The following MTUS2 variants were observed in gnomAD, a reference collection of about 807,000 sequenced individuals.
MTUS2 encodes the protein microtubule associated scaffold protein 2.
A neutral mutation model predicts 114.1 loss-of-function variants in MTUS2; 40 were observed. The ratio of observed to expected loss-of-function variants is 0.35; its 90% CI spans 0.27 to 0.46. MTUS2 has a LOEUF of 0.46. Ranked by LOEUF, MTUS2 falls within the 20% of genes least tolerant of loss-of-function variation. MTUS2 has a pLI of 1.00. For synonymous variants in MTUS2, 688 were observed against 672.0 expected, an observed-to-expected ratio of 1.02 and a Z score of -0.37; for missense variants, 1,679 against 1,705.4, an observed-to-expected ratio of 0.98 and a Z score of 0.27.
chr13:29,379,724 C>G (rs1166204954), intron 8 of MTUS2, among the ~76,000 whole-genome samples: 1 of 152,128 alleles, frequency 6.6e-6, no homozygotes, highest in African/African-American at 2.4e-5. Context: ...CAGGAGAGAG[C>G]TTTCAAACTG....
intron 8 of MTUS2, among the ~76,000 whole-genome samples, chr13:29,402,501 A>C (rs1187203573): frequency 2.7e-5 from 4 of 148,628 alleles, no homozygotes; most frequent in African/African-American, 9.8e-5. Flanking sequence ...GGCAGCAGCC[A>C]CAGAAAAACA....
intron 8 of MTUS2, among the ~76,000 whole-genome samples, chr13:29,381,382 C>T (rs1397698030): frequency 6.6e-6 from 1 of 152,164 alleles, no homozygotes. Flanking sequence ...AGCGTAGTTA[C>T]AGTATAGAAA....
At chr13:28,911,861 T>TG (rs1247409442) in intron 2 of MTUS2, among the ~76,000 whole-genome samples, 1 of 151,294 alleles carries the variant, frequency 6.6e-6, no homozygotes, top group African/African-American at 2.4e-5. Flanking sequence ...TTTTTTTTTT[T>TG]TTGTAAATTT....
rs1873219737 is a variant in MTUS2 at position 29,389,878 on chromosome 13, CATACAT to C, written c.3117+30408_3117+30413del. On this transcript the variant is annotated intron_variant, in intron 8 of 15. Coordinates refer to ENST00000612955, the MANE Select transcript of MTUS2 (RefSeq NM_001033602.4). Reference sequence around the variant, plus strand: ...ATATACATACATATGTGTATATATACATACATATGTGTATATATACATACATATGTG... The same window carrying C: ...ATATACATACATATGTGTATATATACATGTGTATATATACATACATATGTG... Among the ~76,000 whole-genome samples the C allele has an allele frequency of 2.4e-5, 2 of 84,972 alleles. 1 individual carries two copies. Among genetic ancestry groups the C allele is most frequent in the Admixed American group, 2.6e-4 (2 of 7,580 alleles). 55.7% of individuals were successfully genotyped at this position (84,972 alleles called of 152,430 possible).
chr13:29,020,675 C>A (rs113326107), intron 2 of MTUS2, among the ~76,000 whole-genome samples: 10 of 151,964 alleles, frequency 6.6e-5, no homozygotes, highest in African/African-American at 1.9e-4. Flanking sequence ...CTTGTTCTTA[C>A]AATAGTTTGT....
At chr13:29,220,332 C>T (rs1895858998) in intron 5 of MTUS2, among the ~76,000 whole-genome samples, 2 of 152,202 alleles carry the variant, frequency 1.3e-5, no homozygotes. Flanking sequence ...CCTTCAAGAA[C>T]TTTTCCTTTG....
At chr13:29,163,602 A>G (rs768073948) in intron 5 of MTUS2, among the ~76,000 whole-genome samples, 1 of 152,108 alleles carries the variant, frequency 6.6e-6, no homozygotes, top group Admixed American at 6.5e-5. Context: ...TGGAACATCT[A>G]TGAATGGTTA....
chr13:29,359,988 G>A (rs1033422241), intron 8 of MTUS2, among the ~76,000 whole-genome samples: 1 of 152,204 alleles, frequency 6.6e-6, no homozygotes, highest in African/African-American at 2.4e-5. Flanking sequence ...GATTCTCCTT[G>A]TGCCCTCAAT....
In MTUS2 at chr13:29,026,308, A is replaced by G; in HGVS notation, c.1610A>G (p.His537Arg). The change falls in exon 3 of 16, where the codon CAC becomes CGC. Residue 537 changes from histidine to arginine, a missense_variant. His to Arg is a conservative substitution (Grantham distance 29, BLOSUM62 0). Coordinates refer to ENST00000612955, the MANE Select transcript of MTUS2 (RefSeq NM_001033602.4). ...GTTCTCAATATTCCAGCACCCCTCC[A>G]CCCAGAGACAACTGTGAACATGACC... The part of the protein sequence containing the change: ...DSVLNIPAPL[H>R]PETTVNMTYQ... 1.2e-6 allele frequency: 2 copies of G among 1,613,956 alleles called. No homozygotes were observed. The highest frequency in any genetic ancestry group is 1.7e-6 in the Non-Finnish European group (2 of 1,179,896).
chr13:29,259,486 A>C (rs1897393405), intron 5 of MTUS2, among the ~76,000 whole-genome samples: 1 of 152,192 alleles, frequency 6.6e-6, no homozygotes, highest in Non-Finnish European at 1.5e-5. Context: ...TCCTTGGGGA[A>C]ATTGCCCTCA....
intron 5 of MTUS2, among the ~76,000 whole-genome samples, chr13:29,162,138 TC>T (rs1566040289): frequency 6.6e-6 from 1 of 151,954 alleles, no homozygotes; most frequent in Non-Finnish European, 1.5e-5. Flanking sequence ...TGTACAAATT[TC>T]CCCCCTTATT....
chr13:29,286,672 G>GTCTATCTATCTATCTA lies in MTUS2; in HGVS notation c.2806+4819_2806+4834dup, dbSNP rs1555261573. ...TATCTGTCTGTCTGTCTGTCTGTCT[G>GTCTATCTATCTATCTA]TCTATCTATCTATCTATCTATCTAT... On this transcript the variant is annotated intron_variant, in intron 6 of 15. Coordinates refer to ENST00000612955, the MANE Select transcript of MTUS2 (RefSeq NM_001033602.4). Among the ~76,000 whole-genome samples, 271 of 111,014 alleles carry GTCTATCTATCTATCTA rather than the reference G, an allele frequency of 2.4e-3. 1 individual carries two copies. The highest frequency in any genetic ancestry group is 0.018 in the East Asian group (33 of 1,830). The allele number at this position is 111,014 out of a possible 152,430, so 72.8% of individuals were successfully genotyped here. A position where few individuals can be genotyped will look rare whatever the true frequency, so the allele number is the denominator to read the frequency against.
At chr13:28,902,994 C>G (rs1009699540) in intron 2 of MTUS2, among the ~76,000 whole-genome samples, 2 of 152,064 alleles carry the variant, frequency 1.3e-5, no homozygotes, top group African/African-American at 4.8e-5. Context: ...TTAAACTCTT[C>G]AGTAGTTTAT....
chr13:29,046,001 G>C (rs1370859779), intron 4 of MTUS2, among the ~76,000 whole-genome samples: 3 of 152,006 alleles, frequency 2.0e-5, no homozygotes, highest in African/African-American at 7.2e-5. Flanking sequence ...GCTTGAGAAA[G>C]AATTGTTTAT....
chr13:29,434,051 A>T (rs557108719), intron 8 of MTUS2, among the ~76,000 whole-genome samples: 299 of 152,306 alleles, frequency 2.0e-3, no homozygotes, highest in Admixed American at 4.8e-3. Context: ...GCAGGCTAAA[A>T]ATATAGGAAA....
intron 9 of MTUS2, among the ~76,000 whole-genome samples, chr13:29,445,725 G>T (rs1311279363): frequency 6.7e-6 from 1 of 149,380 alleles, no homozygotes; most frequent in Admixed American, 6.6e-5. Flanking sequence ...TGGCCATGGC[G>T]AACCCCATCT....
intron 8 of MTUS2, among the ~76,000 whole-genome samples, chr13:29,429,916 T>A (rs1276929135): frequency 6.6e-6 from 1 of 152,206 alleles, no homozygotes; most frequent in Admixed American, 6.5e-5. Flanking sequence ...GTAGGGTTAC[T>A]TACCACCTAG....
At chr13:29,057,172 T>C (rs963857672) in intron 4 of MTUS2, among the ~76,000 whole-genome samples, 1 of 152,132 alleles carries the variant, frequency 6.6e-6, no homozygotes, top group Non-Finnish European at 1.5e-5. Context: ...GTGTTTGTTA[T>C]GATTTTGGTT....
intron 6 of MTUS2, among the ~76,000 whole-genome samples, chr13:29,309,569 T>C (rs1192454654): frequency 1.3e-5 from 2 of 152,186 alleles, no homozygotes; most frequent in East Asian, 1.9e-4. Context: ...ATCCTGCACA[T>C]GTACTCCTGA....
Sources: gnomAD v4.1 joint callset for allele counts (sites outside exome capture counted in the v4.1 genomes callset) on GRCh38, gnomAD v4.1.1 for gene constraint, MANE v1.5 for transcripts, NCBI Gene and HGNC (gene_info 2026-07-23, HGNC 2026-07-21) for gene names.